FHIT: variants seen among roughly 807,000 people sequenced by gnomAD.
FHIT encodes bis(5'-adenosyl)-triphosphatase.
A neutral mutation model predicts 17.9 loss-of-function variants in FHIT; 19 were observed. The observed-to-expected ratio is 1.06, with a 90% CI of 0.74 to 1.56. The LOEUF (loss-of-function observed/expected upper bound fraction) is 1.56, where lower values mean the gene tolerates loss of function less well. Among genes scored for constraint, FHIT ranks in the 40% most tolerant of loss-of-function variants. FHIT has a pLI of 0.00. For synonymous variants in FHIT, 81 were observed against 69.7 expected, an observed-to-expected ratio of 1.16 and a Z score of -0.81; for missense variants, 248 against 189.2, an observed-to-expected ratio of 1.31 and a Z score of -1.82.
chr3:61,196,011 G>C (rs1338089617), intron 2 of FHIT, among the ~76,000 whole-genome samples: 1 of 152,144 alleles, frequency 6.6e-6, no homozygotes, highest in African/African-American at 2.4e-5. Context: ...TCATGATAAT[G>C]TAAATATTAC....
rs113375724 is a variant in FHIT at position 59,747,768 on chromosome 3, T to TTGTC, written c.*1813_*1816dup. On this transcript the variant is annotated 3_prime_UTR_variant, in exon 10 of 10. Coordinates refer to ENST00000492590, the MANE Select transcript of FHIT (RefSeq NM_002012.4). ...ACTCTTTGGTTTTCCCCCATGCACC[T>TTGTC]TGTCTTCTTGATATGCCTGCAGGGG... 0.01 allele frequency among the ~76,000 whole-genome samples: 1,584 copies of TTGTC among 152,036 alleles called. 33 individuals carry two copies. The highest frequency in any genetic ancestry group is 0.035 in the African/African-American group (1,471 of 41,468).
chr3:60,110,544 G>C (rs185408275), intron 5 of FHIT, among the ~76,000 whole-genome samples: 2 of 152,152 alleles, frequency 1.3e-5, no homozygotes, highest in South Asian at 2.1e-4. Context: ...CCAAGTTTAC[G>C]TAAGTTCAAA....
At chr3:60,172,861 G>T (rs1319968807) in intron 5 of FHIT, among the ~76,000 whole-genome samples, 3 of 152,034 alleles carry the variant, frequency 2.0e-5, no homozygotes, top group East Asian at 1.9e-4. Flanking sequence ...AACAAAACTG[G>T]ATATATTCAA....
chr3:60,216,592 C>A (rs1166479562), intron 5 of FHIT, among the ~76,000 whole-genome samples: 1 of 152,114 alleles, frequency 6.6e-6, no homozygotes, highest in East Asian at 1.9e-4. Context: ...TAATACTGAG[C>A]TGAAATACTC....
At position 60,237,910 on chromosome 3, in the gene FHIT, T is replaced by G. The variant is rs552362600; in HGVS notation, c.104-223758A>C. 1.1e-4 allele frequency among the ~76,000 whole-genome samples: 17 copies of G among 151,718 alleles called. No individual in the cohort carries two copies. In the East Asian group the frequency reaches 3.3e-3, roughly 29 times the overall value. On this transcript the variant is annotated intron_variant, in intron 5 of 9. Transcript: ENST00000492590. ...CAGTACTTTGGGAGGCCGAGGCGGG[T>G]GGATCACCTGAGGTCAGGAGTATGA...
chr3:60,649,928 C>T (rs1357545592), intron 4 of FHIT, among the ~76,000 whole-genome samples: 2 of 152,160 alleles, frequency 1.3e-5, no homozygotes, highest in East Asian at 1.9e-4. Flanking sequence ...CACAAAGCAC[C>T]AGCACCTGTC....
intron 2 of FHIT, among the ~76,000 whole-genome samples, chr3:61,191,221 G>A (rs563802243): frequency 6.6e-6 from 1 of 152,274 alleles, no homozygotes; most frequent in East Asian, 1.9e-4. Flanking sequence ...GTCTGTGAGG[G>A]TGTTTCTGGG....
chr3:59,795,406 A>AT (rs1177128484), intron 8 of FHIT, among the ~76,000 whole-genome samples: 1 of 150,618 alleles, frequency 6.6e-6, no homozygotes, highest in Non-Finnish European at 1.5e-5. Flanking sequence ...ATACCATAAC[A>AT]TTTTTTCTTC....
chr3:60,607,240 T>A (rs965293089), intron 4 of FHIT, among the ~76,000 whole-genome samples: 2 of 151,966 alleles, frequency 1.3e-5, no homozygotes, highest in Non-Finnish European at 2.9e-5. Context: ...TCTTCTAGAA[T>A]AATATAAATT....
intron 4 of FHIT, among the ~76,000 whole-genome samples, chr3:60,787,315 T>C (rs1700618052): frequency 6.6e-6 from 1 of 152,236 alleles, no homozygotes; most frequent in Admixed American, 6.5e-5. Flanking sequence ...TTTTCCTGCA[T>C]ATTTATCCAT....
At chr3:60,499,818 G>A (rs2034451245) in intron 5 of FHIT, among the ~76,000 whole-genome samples, 2 of 152,066 alleles carry the variant, frequency 1.3e-5, no homozygotes, top group Admixed American at 6.5e-5. Flanking sequence ...CTTACAGCAC[G>A]TGTCACCGGC....
chr3:59,795,422 T>A (rs1699739990), intron 8 of FHIT, among the ~76,000 whole-genome samples: 1 of 151,978 alleles, frequency 6.6e-6, no homozygotes, highest in Non-Finnish European at 1.5e-5. Context: ...TCTTCTTATT[T>A]TTATATAAAA....
At chr3:60,710,590 G>A (rs1430384641) in intron 4 of FHIT, among the ~76,000 whole-genome samples, 1 of 152,216 alleles carries the variant, frequency 6.6e-6, no homozygotes, top group Non-Finnish European at 1.5e-5. Flanking sequence ...TTTTCCGATG[G>A]GCTTAGGAAA....
chr3:60,565,828 C>T (rs906101328), intron 4 of FHIT, among the ~76,000 whole-genome samples: 3 of 152,134 alleles, frequency 2.0e-5, no homozygotes, highest in African/African-American at 4.8e-5. Flanking sequence ...GCTCTTGCTT[C>T]TCTAGTTCTT....
At chr3:61,044,346 C>T (rs1420405809) in intron 2 of FHIT, among the ~76,000 whole-genome samples, 5 of 152,104 alleles carry the variant, frequency 3.3e-5, no homozygotes, top group East Asian at 1.9e-4. Flanking sequence ...GCACAAGTTT[C>T]GGTAGCCAAT....
intron 5 of FHIT, among the ~76,000 whole-genome samples, chr3:60,178,879 G>GC (rs1701798634): frequency 6.6e-6 from 1 of 152,032 alleles, no homozygotes; most frequent in Non-Finnish European, 1.5e-5. Flanking sequence ...ATCTGATATT[G>GC]CCCTCTGTAT....
intron 5 of FHIT, among the ~76,000 whole-genome samples, chr3:60,184,153 T>C (rs1248829318): frequency 1.3e-5 from 2 of 151,974 alleles, no homozygotes; most frequent in Non-Finnish European, 2.9e-5. Context: ...CCTAATTTGT[T>C]TTTTATTTTT....
chr3:60,473,915 T>C (rs2033214877), intron 5 of FHIT, among the ~76,000 whole-genome samples: 1 of 135,204 alleles, frequency 7.4e-6, no homozygotes, highest in African/African-American at 2.7e-5. Context: ...AGAGCGAGAC[T>C]CCATTTCCAA....
chr3:59,772,100 A>G (rs901679336), intron 8 of FHIT, among the ~76,000 whole-genome samples: 3 of 152,098 alleles, frequency 2.0e-5, no homozygotes, highest in South Asian at 2.1e-4. Flanking sequence ...TTGTATCTCC[A>G]TGTTAGCACA....
Sources: allele counts gnomAD v4.1 joint callset (sites outside exome capture counted in the v4.1 genomes callset), GRCh38; gene constraint gnomAD v4.1.1; transcripts MANE v1.5; gene names NCBI Gene and HGNC (gene_info 2026-07-23, HGNC 2026-07-21).